Variants in LACTB2 observed in about 807,000 individuals in gnomAD.
LACTB2 encodes the protein lactamase beta 2.
In LACTB2, 32 loss-of-function variants were observed where a neutral mutation model predicts 34.8. That is an observed-to-expected ratio of 0.92 (90% CI 0.69 to 1.24). The LOEUF is 1.24. LACTB2 is among the 50% of genes most tolerant of loss of function. The pLI, the probability that LACTB2 is intolerant of heterozygous loss-of-function variation, is 0.00. For missense variants in LACTB2, 320 were observed against 345.0 expected (o/e 0.93, Z 0.57); for synonymous variants, 120 against 117.5 (o/e 1.02, Z -0.14).
At chr8:70,655,695 T>C (rs560732569) in intron 3 of LACTB2, among the ~76,000 whole-genome samples, 13 of 152,220 alleles carry the variant, frequency 8.5e-5, no homozygotes, top group Non-Finnish European at 1.8e-4. Flanking sequence ...AATGACTTCT[T>C]TTCCTCTGGG....
At chr8:70,660,383 C>T (rs971817123) in intron 2 of LACTB2, 8 of 351,972 alleles carry the variant, frequency 2.3e-5, no homozygotes, top group Non-Finnish European at 4.5e-5. Flanking sequence ...GTACACAGTC[C>T]CCTTAGATTG....
At chr8:70,664,603 T>C (rs897476439) in intron 1 of LACTB2, among the ~76,000 whole-genome samples, 24 of 152,230 alleles carry the variant, frequency 1.6e-4, no homozygotes, top group African/African-American at 5.5e-4. Flanking sequence ...AAAAAAGTTC[T>C]GGAATTAATA....
At chr8:70,668,564 C>G (rs1164969329) in intron 1 of LACTB2, among the ~76,000 whole-genome samples, 2 of 152,098 alleles carry the variant, frequency 1.3e-5, no homozygotes, top group Non-Finnish European at 2.9e-5. Context: ...TTGAGGAAAT[C>G]GCCTCAACAT....
chr8:70,645,061 T>C (rs1215847098), intron 3 of LACTB2, among the ~76,000 whole-genome samples: 7 of 151,984 alleles, frequency 4.6e-5, no homozygotes, highest in Non-Finnish European at 1.0e-4. Flanking sequence ...TATATATATA[T>C]ATACACACAC....
intron 3 of LACTB2, among the ~76,000 whole-genome samples, chr8:70,644,970 G>C (rs565733439): frequency 3.8e-4 from 57 of 151,938 alleles, no homozygotes; most frequent in African/African-American, 1.3e-3. Flanking sequence ...AAACAAAACT[G>C]ATATTGTTTT....
At chr8:70,657,392 T>A (rs981795880) in intron 3 of LACTB2, among the ~76,000 whole-genome samples, 1 of 151,872 alleles carries the variant, frequency 6.6e-6, no homozygotes, top group Non-Finnish European at 1.5e-5. Context: ...CCTGATGTAC[T>A]CTTTACACAT....
At chr8:70,656,573 G>C (rs1229897248) in intron 3 of LACTB2, among the ~76,000 whole-genome samples, 1 of 152,120 alleles carries the variant, frequency 6.6e-6, no homozygotes, top group East Asian at 1.9e-4. Context: ...ATGCTGTTTT[G>C]GTGACTATGG....
chr8:70,648,218 G>A (rs1307413885), intron 3 of LACTB2, among the ~76,000 whole-genome samples: 1 of 152,176 alleles, frequency 6.6e-6, no homozygotes, highest in Non-Finnish European at 1.5e-5. Flanking sequence ...AAACAGCTCT[G>A]TAGTTTCCAT....
chr8:70,651,657 T>C (rs539052858), intron 3 of LACTB2, among the ~76,000 whole-genome samples: 2 of 134,528 alleles, frequency 1.5e-5, no homozygotes, highest in East Asian at 4.1e-4. Context: ...CTGTTTTCTG[T>C]GATATAAACA....
chr8:70,637,860 C>T lies in LACTB2; in HGVS notation c.867G>A (p.Ter289=). 6.5e-7 allele frequency: 1 copy of T among 1,542,812 alleles called. No individual in the cohort carries two copies. ...AAACAAAGCTTTCTTTAATCTGAAA[C>T]TAAAGATGAGCTTTCCATTTCTTGT... ...DPDKKWKAHL[*] The change falls in exon 7 of 7, where the codon TAG becomes TAA. Residue 289 remains the stop codon, a stop_retained_variant. Coordinates refer to ENST00000276590, the MANE Select transcript of LACTB2 (RefSeq NM_016027.3).
Position 70,669,101 on chromosome 8 carries a change from C to A in LACTB2, c.20G>T (p.Arg7Leu). 6.2e-7 allele frequency: 1 copy of A among 1,609,678 alleles called. No individual in the cohort carries two copies. MAAVLQ[R>L]VERLSNRVVR... ...GACTCGATTGGACAGCCGCTCGACG[C>A]GCTGCAGTACAGCAGCCATTCCCGC... Residue 7 changes from arginine (R) to leucine (L), a missense_variant, in exon 1 of 7, where the codon CGC becomes CTC. By Grantham distance (102) the Arg-to-Leu change is moderately radical. Coordinates refer to ENST00000276590, the MANE Select transcript of LACTB2 (RefSeq NM_016027.3).
chr8:70,658,412 T>C (rs1818440405), intron 2 of LACTB2, among the ~76,000 whole-genome samples: 1 of 151,934 alleles, frequency 6.6e-6, no homozygotes, highest in South Asian at 2.1e-4. Flanking sequence ...ACAAAGAAAA[T>C]AAATTAATTA....
At position 70,645,046 on chromosome 8, in the gene LACTB2, CA is replaced by C. The variant is rs199874087; in HGVS notation, c.414-804del. 2.6e-3 allele frequency among the ~76,000 whole-genome samples: 342 copies of C among 131,908 alleles called. 3 individuals are homozygous for C. Among genetic ancestry groups the C allele is most frequent in the African/African-American group, 8.8e-3 (327 of 37,242 alleles). 86.5% of individuals were successfully genotyped at this position (131,908 alleles called of 152,430 possible). A position where few individuals can be genotyped will look rare whatever the true frequency, so the allele number is the denominator to read the frequency against. On this transcript the variant is annotated intron_variant, in intron 3 of 6. Coordinates refer to ENST00000276590, the MANE Select transcript of LACTB2 (RefSeq NM_016027.3). ...TTCCTACATCATTATATGTTTACAT[CA>C]TTTTATATATATATATACACACACA...
At chr8:70,655,125 A>T (rs1197901517) in intron 3 of LACTB2, among the ~76,000 whole-genome samples, 1 of 152,054 alleles carries the variant, frequency 6.6e-6, no homozygotes, top group East Asian at 1.9e-4. Flanking sequence ...CAGTGAGAAC[A>T]AACAATGTTT....
Position 70,669,134 on chromosome 8 carries a change from G to T in LACTB2, c.-14C>A. Reference sequence around the variant, plus strand: ...TACAGCAGCCATTCCCGCCTCAGCCGCCCGCCGGCGTGTCGCCTATCTGGA... The same window carrying T: ...TACAGCAGCCATTCCCGCCTCAGCCTCCCGCCGGCGTGTCGCCTATCTGGA... On this transcript the variant is annotated 5_prime_UTR_variant, in exon 1 of 7. Transcript: ENST00000276590. 6.2e-7 allele frequency: 1 copy of T among 1,607,294 alleles called. No individual in the cohort carries two copies. The highest frequency in any genetic ancestry group is 8.5e-7 in the Non-Finnish European group (1 of 1,177,510).
chr8:70,641,361 G>A (rs1375778630), intron 4 of LACTB2, among the ~76,000 whole-genome samples: 2 of 152,162 alleles, frequency 1.3e-5, no homozygotes, highest in African/African-American at 4.8e-5. Flanking sequence ...AATAGGTAAT[G>A]TTTATGGAGT....
intron 2 of LACTB2, among the ~76,000 whole-genome samples, chr8:70,658,809 G>A (rs947102173): frequency 6.6e-6 from 1 of 152,050 alleles, no homozygotes; most frequent in South Asian, 2.1e-4. Context: ...GGAGGATCAC[G>A]AGGTCAGGAG....
At chr8:70,650,156 C>T (rs1818320532) in intron 3 of LACTB2, among the ~76,000 whole-genome samples, 1 of 151,926 alleles carries the variant, frequency 6.6e-6, no homozygotes, top group Admixed American at 6.6e-5. Context: ...CCTAAGTAAA[C>T]CTGTCTTTTT....
chr8:70,654,590 C>G (rs1818386017), intron 3 of LACTB2: 1 of 151,904 alleles, frequency 6.6e-6, no homozygotes, highest in African/African-American at 2.4e-5. Flanking sequence ...AGATGGGTTT[C>G]TACTTTGTGG....
Sources: gnomAD v4.1 joint callset for allele counts (sites outside exome capture counted in the v4.1 genomes callset) on GRCh38, gnomAD v4.1.1 for gene constraint, MANE v1.5 for transcripts, NCBI Gene and HGNC (gene_info 2026-07-23, HGNC 2026-07-21) for gene names.